UBE2F: variants seen among roughly 807,000 people sequenced by gnomAD.
UBE2F encodes the protein ubiquitin conjugating enzyme E2 F (putative).
UBE2F carries 5 observed loss-of-function variants against 29.6 expected under a neutral mutation model. The observed-to-expected ratio is 0.17, with a 90% CI of 0.09 to 0.36. The LOEUF is 0.36. Ranked by LOEUF, UBE2F falls within the 10% of genes least tolerant of loss-of-function variation. The pLI is 1.00. For synonymous variants in UBE2F, 66 were observed against 81.8 expected, an observed-to-expected ratio of 0.81 and a Z score of 1.04; for missense variants, 141 against 228.5, an observed-to-expected ratio of 0.62 and a Z score of 2.47.
chr2:238,012,465 G>T (rs553853256), intron 4 of UBE2F, among the ~76,000 whole-genome samples: 1 of 152,332 alleles, frequency 6.6e-6, no homozygotes, highest in Non-Finnish European at 1.5e-5. Flanking sequence ...CTGAGGAAGA[G>T]TTGAGAGAAA....
intron 8 of UBE2F, 104 bp downstream of exon 8, chr2:238,032,358 G>A: frequency 9.5e-7 from 1 of 1,056,810 alleles, no homozygotes; most frequent in Non-Finnish European, 1.4e-6. Flanking sequence ...GTTAAAAAAT[G>A]AAACATGGAC....
At chr2:237,979,675 A>G (rs2063344889) in intron 2 of UBE2F, among the ~76,000 whole-genome samples, 1 of 152,180 alleles carries the variant, frequency 6.6e-6, no homozygotes, top group Non-Finnish European at 1.5e-5. Flanking sequence ...GGAGGGTTAA[A>G]TGCCAGTGGA....
chr2:238,025,869 TGATA>T (rs2064415097), intron 6 of UBE2F, among the ~76,000 whole-genome samples: 1 of 152,226 alleles, frequency 6.6e-6, no homozygotes, highest in Non-Finnish European at 1.5e-5. Flanking sequence ...AAAATGGTCC[TGATA>T]GATGTCAGGG....
intron 4 of UBE2F, among the ~76,000 whole-genome samples, chr2:237,998,614 T>C (rs1198019328): frequency 3.1e-5 from 1 of 32,052 alleles, no homozygotes; most frequent in African/African-American, 6.1e-4. Flanking sequence ...GCCGTGAGCT[T>C]TTTTTTTTTT....
intron 3 of UBE2F, among the ~76,000 whole-genome samples, chr2:237,993,864 G>A (rs2063637430): frequency 6.6e-6 from 1 of 152,030 alleles, no homozygotes; most frequent in Admixed American, 6.6e-5. Flanking sequence ...AACTTCCCTG[G>A]CCTGCACCAG....
intron 4 of UBE2F, among the ~76,000 whole-genome samples, chr2:238,003,175 A>G (rs909789647): frequency 3.3e-5 from 5 of 151,780 alleles, no homozygotes; most frequent in African/African-American, 9.7e-5. Flanking sequence ...AAGGGGGATA[A>G]ATTTGAAGAA....
intron 9 of UBE2F, among the ~76,000 whole-genome samples, chr2:238,037,454 A>T (rs937559522): frequency 3.9e-5 from 6 of 152,270 alleles, no homozygotes; most frequent in Non-Finnish European, 7.3e-5. Context: ...GAGCCTGCAG[A>T]GGCAGGCCAT....
chr2:238,032,287 T>C (rs1393731983), intron 8 of UBE2F, 33 bp downstream of exon 8: 1 of 1,575,926 alleles, frequency 6.3e-7, no homozygotes, highest in African/African-American at 1.3e-5. Context: ...CAAGTTATTC[T>C]CAATTTCCTT....
At chr2:237,980,133 A>G (rs2063351533) in intron 2 of UBE2F, among the ~76,000 whole-genome samples, 1 of 152,276 alleles carries the variant, frequency 6.6e-6, no homozygotes, top group East Asian at 1.9e-4. Context: ...GGTTTAAGGA[A>G]GTAATCAGGT....
At chr2:238,032,004 AT>A (rs780911639) in intron 7 of UBE2F, among the ~76,000 whole-genome samples, 4 of 152,296 alleles carry the variant, frequency 2.6e-5, no homozygotes, top group Admixed American at 6.5e-5. Context: ...GCTATCTTTG[AT>A]TTTATATTCA....
intron 6 of UBE2F, among the ~76,000 whole-genome samples, chr2:238,026,155 G>A (rs115269018): frequency 0.02 from 3,056 of 152,202 alleles, 103 homozygotes; most frequent in African/African-American, 0.07. Context: ...CGCCGCCCCC[G>A]CCCCCACCCC....
intron 7 of UBE2F, 127 bp from the exon 8 acceptor site, chr2:238,032,090 CTATCT>C (rs1295194182): frequency 1.5e-6 from 1 of 673,242 alleles, no homozygotes; most frequent in Non-Finnish European, 2.6e-6. Context: ...TTTTAATTTT[CTATCT>C]TGAGAAAAAC....
chr2:238,012,667 G>A (rs1034222816), intron 4 of UBE2F, among the ~76,000 whole-genome samples: 1 of 152,164 alleles, frequency 6.6e-6, no homozygotes, highest in African/African-American at 2.4e-5. Flanking sequence ...TCAGGCAAAA[G>A]TCTTACTTCA....
At chr2:237,988,269 G>A (rs1358998096) in intron 3 of UBE2F, among the ~76,000 whole-genome samples, 1 of 152,076 alleles carries the variant, frequency 6.6e-6, no homozygotes, top group African/African-American at 2.4e-5. Context: ...CCAACATGGT[G>A]AAACCCTGTC....
At chr2:238,004,408 G>GT (rs139055573) in intron 4 of UBE2F, among the ~76,000 whole-genome samples, 2,543 of 151,094 alleles carry the variant, frequency 0.017, 70 homozygotes, top group African/African-American at 0.059. Flanking sequence ...AAAAAATAAG[G>GT]TTTTTTTTTC....
At chr2:238,003,040 AC>A (rs1416647327) in intron 4 of UBE2F, among the ~76,000 whole-genome samples, 1 of 152,222 alleles carries the variant, frequency 6.6e-6, no homozygotes, top group Non-Finnish European at 1.5e-5. Flanking sequence ...CAACATCCTG[AC>A]CATGTAGTAG....
Position 238,031,599 on chromosome 2 carries a change from G to A in UBE2F, c.412-623G>A, listed in dbSNP as rs553145314. Among the ~76,000 whole-genome samples, 4 of 152,326 alleles carry A rather than the reference G, an allele frequency of 2.6e-5. No homozygotes were observed. The East Asian group carries it at 5.8e-4, about 22-fold the overall frequency. On this transcript the variant is annotated intron_variant, in intron 7 of 9. Transcript: ENST00000272930. ...GCATGAGAACAGGCCTAAAAAGGAC[G>A]AAACTCTTGAGTTGATGAAGAGGAA...
intron 4 of UBE2F, among the ~76,000 whole-genome samples, chr2:238,001,091 A>G (rs979414679): frequency 7.0e-6 from 1 of 143,276 alleles, no homozygotes. Flanking sequence ...CTGGAGTGCA[A>G]TGGTGCAATC....
chr2:237,999,719 T>A (rs74398701), intron 4 of UBE2F, among the ~76,000 whole-genome samples: 5,322 of 152,316 alleles, frequency 0.035, 284 homozygotes, highest in East Asian at 0.2. Flanking sequence ...GTTCCATTGG[T>A]CTGTGTTTAC....
Sources: gnomAD v4.1 joint callset for allele counts (sites outside exome capture counted in the v4.1 genomes callset) on GRCh38, gnomAD v4.1.1 for gene constraint, MANE v1.5 for transcripts, NCBI Gene and HGNC (gene_info 2026-07-23, HGNC 2026-07-21) for gene names.